Variants in NLN observed in about 807,000 individuals in gnomAD.
NLN encodes the protein neurolysin, mitochondrial.
In NLN, 64 loss-of-function variants were observed where a neutral mutation model predicts 79.9. The observed-to-expected ratio is 0.80, with a 90% CI of 0.65 to 0.99. The LOEUF (loss-of-function observed/expected upper bound fraction) is 0.99, where lower values mean the gene tolerates loss of function less well. Among genes scored for constraint, NLN ranks in the 50% least tolerant of loss-of-function variants. The pLI, the probability that NLN is intolerant of heterozygous loss-of-function variation, is 0.00. For missense variants in NLN, 835 were observed against 858.7 expected (o/e 0.97, Z 0.34); for synonymous variants, 267 against 296.6 (o/e 0.90, Z 1.02).
chr5:65,786,027 T>C (rs1561201343), intron 7 of NLN, 117 bp downstream of exon 7: 10 of 869,308 alleles, frequency 1.2e-5, no homozygotes, highest in Non-Finnish European at 1.7e-5. Flanking sequence ...TTGAGAGAAG[T>C]ATATTGATCA....
At chr5:65,751,441 T>C (rs1759099462) in intron 1 of NLN, among the ~76,000 whole-genome samples, 1 of 152,222 alleles carries the variant, frequency 6.6e-6, no homozygotes, top group South Asian at 2.1e-4. Context: ...TGCTCATCAG[T>C]GTGCAGTGCA....
intron 9 of NLN, among the ~76,000 whole-genome samples, chr5:65,805,135 A>G (rs2262994): frequency 0.27 from 41,681 of 152,042 alleles, 6,858 homozygotes; most frequent in Non-Finnish European, 0.37. Context: ...TGAATGTTAT[A>G]TGTATACTGA....
chr5:65,798,531 G>T (rs1424047293), intron 9 of NLN, among the ~76,000 whole-genome samples: 3 of 152,106 alleles, frequency 2.0e-5, no homozygotes, highest in Non-Finnish European at 4.4e-5. Context: ...GACTGTTGAG[G>T]TTTCAGTCCT....
At chr5:65,802,115 C>T (rs1019278191) in intron 9 of NLN, among the ~76,000 whole-genome samples, 4 of 152,216 alleles carry the variant, frequency 2.6e-5, no homozygotes, top group Non-Finnish European at 4.4e-5. Flanking sequence ...CCTCTGTGAC[C>T]AGTGGTACCT....
intron 8 of NLN, among the ~76,000 whole-genome samples, chr5:65,790,488 C>T (rs1233807445): frequency 2.0e-5 from 3 of 152,186 alleles, no homozygotes; most frequent in East Asian, 1.9e-4. Flanking sequence ...TCCTTCTTCA[C>T]GTGGCGGCAG....
At chr5:65,768,741 G>T (rs1359333711) in intron 3 of NLN, among the ~76,000 whole-genome samples, 1 of 152,198 alleles carries the variant, frequency 6.6e-6, no homozygotes, top group Admixed American at 6.5e-5. Flanking sequence ...CCTTTCCTCA[G>T]TGTGTGCACA....
chr5:65,782,676 C>G (rs138930640), intron 6 of NLN, among the ~76,000 whole-genome samples: 4 of 152,328 alleles, frequency 2.6e-5, no homozygotes, highest in Middle Eastern at 3.4e-3. Context: ...TTCCAACCAT[C>G]TGAAGATTGT....
chr5:65,769,849 G>T (rs995445395), intron 3 of NLN, among the ~76,000 whole-genome samples: 2 of 152,204 alleles, frequency 1.3e-5, no homozygotes, highest in African/African-American at 4.8e-5. Flanking sequence ...CCCTTCAAGG[G>T]AGGGAGGTAT....
intron 9 of NLN, among the ~76,000 whole-genome samples, chr5:65,806,962 C>T (rs1390232939): frequency 2.6e-5 from 4 of 151,884 alleles, no homozygotes; most frequent in African/African-American, 7.3e-5. Context: ...GGATCACCTG[C>T]GGTCAGGAGT....
chr5:65,812,149 T>C, intron 11 of NLN, 106 bp from the exon 12 acceptor site: 3 of 884,678 alleles, frequency 3.4e-6, no homozygotes, highest in Non-Finnish European at 5.6e-6. Flanking sequence ...ATGTCATTCA[T>C]TCTCTCCTCC....
chr5:65,777,982 T>C (rs1283102918), intron 4 of NLN, among the ~76,000 whole-genome samples: 1 of 152,220 alleles, frequency 6.6e-6, no homozygotes, highest in Non-Finnish European at 1.5e-5. Flanking sequence ...AAGTTTTATT[T>C]ATTTCATGTG....
intron 1 of NLN, among the ~76,000 whole-genome samples, chr5:65,741,418 T>C (rs933027264): frequency 6.6e-6 from 1 of 152,204 alleles, no homozygotes; most frequent in Non-Finnish European, 1.5e-5. Context: ...AATTAACACT[T>C]ATTTTTGACT....
intron 4 of NLN, 45 bp downstream of exon 4, chr5:65,777,579 A>C: frequency 2.5e-6 from 3 of 1,223,390 alleles, no homozygotes; most frequent in Non-Finnish European, 3.6e-6. Context: ...AAAATGAATA[A>C]ATAAAACAAA....
chr5:65,792,365 A>G (rs1198243697), intron 8 of NLN, 89 bp from the exon 9 acceptor site: 11 of 770,966 alleles, frequency 1.4e-5, no homozygotes, highest in Non-Finnish European at 2.0e-5. Flanking sequence ...CTGGTAACAG[A>G]TATGGCTTAA....
chr5:65,751,424 A>T (rs573274769), intron 1 of NLN, among the ~76,000 whole-genome samples: 1 of 152,356 alleles, frequency 6.6e-6, no homozygotes, highest in South Asian at 2.1e-4. Context: ...TATAATGAAC[A>T]TCTGTCTGCT....
intron 1 of NLN, among the ~76,000 whole-genome samples, chr5:65,750,249 CT>C (rs1236962418): frequency 6.6e-6 from 1 of 152,204 alleles, no homozygotes; most frequent in Non-Finnish European, 1.5e-5. Context: ...CTACAAGTGG[CT>C]ATTGAATATT....
intron 1 of NLN, among the ~76,000 whole-genome samples, chr5:65,731,151 C>G (rs375405882): frequency 1.6e-4 from 24 of 152,182 alleles, no homozygotes; most frequent in African/African-American, 5.3e-4. Flanking sequence ...GCCCTCTTTC[C>G]TGTGACGTCT....
At chr5:65,756,413 C>G (rs1579926386) in intron 1 of NLN, among the ~76,000 whole-genome samples, 1 of 152,114 alleles carries the variant, frequency 6.6e-6, no homozygotes, top group South Asian at 2.1e-4. Flanking sequence ...GAGTCAAACT[C>G]CTGAATATAT....
chr5:65,820,483 A>G (rs1760768891), intron 12 of NLN, among the ~76,000 whole-genome samples: 1 of 152,204 alleles, frequency 6.6e-6, no homozygotes, highest in Admixed American at 6.5e-5. Context: ...CTCTACCCAG[A>G]GAGCACAGTC....
Sources: allele counts gnomAD v4.1 joint callset (sites outside exome capture counted in the v4.1 genomes callset), GRCh38; gene constraint gnomAD v4.1.1; transcripts MANE v1.5; gene names NCBI Gene and HGNC (gene_info 2026-07-23, HGNC 2026-07-21).